Variants in SP100 observed in about 807,000 individuals in gnomAD.
The protein encoded by SP100 is nuclear autoantigen Sp-100.
Under a neutral mutation model 130.0 loss-of-function variants are expected in SP100, and 84 were observed. The observed-to-expected ratio is 0.65, with a 90% CI of 0.54 to 0.77. The LOEUF (loss-of-function observed/expected upper bound fraction) is 0.77, where lower values mean the gene tolerates loss of function less well. Ranked by LOEUF, SP100 falls within the 30% of genes least tolerant of loss-of-function variation. The pLI, the probability that SP100 is intolerant of heterozygous loss-of-function variation, is 0.00. For synonymous variants in SP100, 331 were observed against 351.7 expected, an observed-to-expected ratio of 0.94 and a Z score of 0.66; for missense variants, 978 against 1,052.2, an observed-to-expected ratio of 0.93 and a Z score of 0.97.
At chr2:230,542,420 A>G (rs1190073159) in intron 28 of SP100, among the ~76,000 whole-genome samples, 1 of 152,190 alleles carries the variant, frequency 6.6e-6, no homozygotes, top group East Asian at 1.9e-4. Context: ...ATGTCAAAAT[A>G]TTGAATTTCT....
rs201386133 is a variant in SP100 at position 230,444,210 on chromosome 2, T to C, written c.303T>C (p.Pro101=). The C allele has an allele frequency of 1.2e-5, 19 of 1,607,178 alleles. No homozygotes were observed. The highest frequency in any genetic ancestry group is 1.6e-5 in the Non-Finnish European group (19 of 1,177,226). Residue 101 remains proline (P), a synonymous_variant, in exon 4 of 29, where the codon CCT becomes CCC. Transcript: ENST00000340126. ...DSQDSCRNLV[P]VQRVVYNVLS... ...AAGATTCTTGTAGAAACCTGGTCCC[T>C]GTACAGAGAGTGGTGTACAATGTTC...
intron 16 of SP100, among the ~76,000 whole-genome samples, chr2:230,473,895 A>G (rs932058401): frequency 1.3e-5 from 2 of 152,166 alleles, no homozygotes; most frequent in Non-Finnish European, 2.9e-5. Context: ...AAAAAAAAAA[A>G]AAGAAAACAT....
chr2:230,504,424 C>A, intron 21 of SP100, 134 bp downstream of exon 21: 1 of 583,226 alleles, frequency 1.7e-6, no homozygotes, highest in East Asian at 2.8e-5. Flanking sequence ...AGGAGCTTTC[C>A]TAGGACTTGG....
At chr2:230,448,280 C>T (rs1000940775) in intron 5 of SP100, among the ~76,000 whole-genome samples, 2 of 151,980 alleles carry the variant, frequency 1.3e-5, no homozygotes, top group Admixed American at 6.6e-5. Context: ...GAAATGAAAC[C>T]GTGAAAAGGG....
intron 24 of SP100, among the ~76,000 whole-genome samples, chr2:230,517,754 G>C (rs1466528129): frequency 7.8e-6 from 1 of 128,950 alleles, no homozygotes; most frequent in East Asian, 2.1e-4. Flanking sequence ...AACAGAGCAA[G>C]ACTCCATCTC....
rs796952549 is a variant in SP100, at chr2:230,438,656, C to T, written c.108-4281C>T. ...TCCATGGTGTATATATATACACACA[C>T]ACACACACACACACACACACACACA... On this transcript the variant is annotated intron_variant, in intron 2 of 28. Transcript: ENST00000340126. Among the ~76,000 whole-genome samples, 1,270 of 143,556 alleles carry T rather than the reference C, an allele frequency of 8.8e-3. 21 individuals carry two copies. Among genetic ancestry groups the T allele is most frequent in the African/African-American group, 0.033 (1,129 of 34,490 alleles). 94.2% of individuals were successfully genotyped at this position (143,556 alleles called of 152,430 possible). A position where few individuals can be genotyped will look rare whatever the true frequency, so the allele number is the denominator to read the frequency against.
At chr2:230,515,758 C>A (rs574480521) in intron 24 of SP100, 2 of 1,504,480 alleles carry the variant, frequency 1.3e-6, no homozygotes, top group Admixed American at 2.3e-5. Flanking sequence ...GTTTTTAAAC[C>A]GTACACTGTG....
intron 18 of SP100, among the ~76,000 whole-genome samples, chr2:230,497,056 T>G (rs2066710912): frequency 6.6e-6 from 1 of 152,202 alleles, no homozygotes; most frequent in Non-Finnish European, 1.5e-5. Context: ...TAACCTTTAG[T>G]ATTTGGGTAG....
At chr2:230,522,530 C>T (rs1394687936) in intron 24 of SP100, among the ~76,000 whole-genome samples, 1 of 126,250 alleles carries the variant, frequency 7.9e-6, no homozygotes, top group East Asian at 2.3e-4. Flanking sequence ...ACACTGTCAC[C>T]CAGGCTGGAG....
At chr2:230,526,046 G>A (rs1007425440) in intron 24 of SP100, among the ~76,000 whole-genome samples, 1 of 152,232 alleles carries the variant, frequency 6.6e-6, no homozygotes, top group Admixed American at 6.5e-5. Context: ...GCCCTGAAGA[G>A]AGCAGTGGTT....
intron 24 of SP100, among the ~76,000 whole-genome samples, chr2:230,534,796 T>C (rs1169972824): frequency 6.6e-6 from 1 of 152,264 alleles, no homozygotes; most frequent in Non-Finnish European, 1.5e-5. Context: ...AATTGTTATA[T>C]GTCACAGAAA....
chr2:230,447,121 A>G (rs895893992), intron 5 of SP100, among the ~76,000 whole-genome samples: 3 of 152,170 alleles, frequency 2.0e-5, no homozygotes, highest in Non-Finnish European at 4.4e-5. Context: ...GCGTGTCAGT[A>G]GGCCAGATTT....
At chr2:230,481,411 T>C (rs1575706044) in intron 17 of SP100, among the ~76,000 whole-genome samples, 2 of 152,288 alleles carry the variant, frequency 1.3e-5, no homozygotes. Flanking sequence ...GCCAAAAATG[T>C]AGAAGGTGTG....
Position 230,543,060 on chromosome 2 carries a change from T to C in SP100, c.*114T>C. 1 of 580,852 alleles carries C rather than the reference T, an allele frequency of 1.7e-6. No individual in the cohort carries two copies. 36.0% of individuals were successfully genotyped at this position (580,852 alleles called of 1,614,324 possible). On this transcript the variant is annotated 3_prime_UTR_variant, in exon 29 of 29. Transcript: ENST00000340126. ...ACTCCACATCACAATTCTCCAAAAT[T>C]TATCATTGCCATTTTAAAACCGTCT... is the stretch of plus-strand genomic sequence containing the variant.
At chr2:230,489,857 G>A (rs2066305466) in intron 17 of SP100, among the ~76,000 whole-genome samples, 1 of 152,114 alleles carries the variant, frequency 6.6e-6, no homozygotes, top group African/African-American at 2.4e-5. Flanking sequence ...GTTCTAATTT[G>A]TTTGTGCTGT....
chr2:230,504,133 C>A (rs543621304), intron 20 of SP100, 53 bp from the exon 21 acceptor site: 24 of 924,024 alleles, frequency 2.6e-5, no homozygotes, highest in African/African-American at 9.8e-5. Context: ...TGGGGAGGGA[C>A]AATGCACAGT....
At position 230,449,378 on chromosome 2, in the gene SP100, G is replaced by T. The variant is rs62193406; in HGVS notation, c.587-183G>T. ...ACACTTGCTGCTGGTTCCTGCTGCC[G>T]CTGAGCCTGGTCGTTTTACCCATGT... is the stretch of plus-strand genomic sequence containing the variant. On this transcript the variant is annotated intron_variant, in intron 6 of 28. Coordinates refer to ENST00000340126, the MANE Select transcript of SP100 (RefSeq NM_001080391.2). The T allele has an allele frequency of 3.7e-6, 3 of 801,532 alleles. No individual in the cohort carries two copies. The South Asian group carries it at 4.3e-5, about 12-fold the overall frequency. The allele number at this position is 801,532 out of a possible 1,614,324, so 49.7% of individuals were successfully genotyped here.
At position 230,461,314 on chromosome 2, in the gene SP100, G is replaced by A. The variant is rs751858461; in HGVS notation, c.873G>A (p.Val291=). ...NHGIQINSCS[V]RLVDIKKEKP... is the part of the protein sequence containing the mutation. ...GAATCCAAATTAATTCCTGTTCTGT[G>A]CGACTGGTGGATATAAAAAAGGAAA... The change falls in exon 9 of 29, where the codon GTG becomes GTA. Residue 291 remains valine, a synonymous_variant. Coordinates refer to ENST00000340126, the MANE Select transcript of SP100 (RefSeq NM_001080391.2). 1 of 1,614,084 alleles carries A rather than the reference G, an allele frequency of 6.2e-7. No homozygotes were observed. The highest frequency in any genetic ancestry group is 8.5e-7 in the Non-Finnish European group (1 of 1,179,958).
At position 230,504,268 on chromosome 2, in the gene SP100, A is replaced by G. The variant is rs1348880559; in HGVS notation, c.1848A>G (p.Leu616=). 1.2e-6 allele frequency: 2 copies of G among 1,605,200 alleles called. No homozygotes were observed. The highest frequency in any genetic ancestry group is 1.7e-6 in the Non-Finnish European group (2 of 1,172,728). Reference sequence around the variant, plus strand: ...CCTGTGGTGAGGTGAAGGGCACTCTATATAAGGAGCGATTCAAACAAGGTG... The same window carrying G: ...CCTGTGGTGAGGTGAAGGGCACTCTGTATAAGGAGCGATTCAAACAAGGTG... ...PVTCGEVKGT[L]YKERFKQGTS... The change falls in exon 21 of 29, where the codon CTA becomes CTG. Residue 616 remains leucine (L), a synonymous_variant. Coordinates refer to ENST00000340126, the MANE Select transcript of SP100 (RefSeq NM_001080391.2).
Sources: gnomAD v4.1 joint callset for allele counts (sites outside exome capture counted in the v4.1 genomes callset) on GRCh38, gnomAD v4.1.1 for gene constraint, MANE v1.5 for transcripts, NCBI Gene and HGNC (gene_info 2026-07-23, HGNC 2026-07-21) for gene names.